PSMA1: variants seen among roughly 807,000 people sequenced by gnomAD.
PSMA1 encodes proteasome subunit alpha type-1.
A neutral mutation model predicts 38.4 loss-of-function variants in PSMA1; 3 were observed. The ratio of observed to expected loss-of-function variants is 0.08; its 90% CI spans 0.04 to 0.20. PSMA1 has a LOEUF of 0.20. PSMA1 is among the 10% of genes least tolerant of loss of function. PSMA1 has a pLI of 1.00. For synonymous variants in PSMA1, 101 were observed against 107.1 expected, an observed-to-expected ratio of 0.94 and a Z score of 0.35; for missense variants, 227 against 325.3, an observed-to-expected ratio of 0.70 and a Z score of 2.32.
intron 2 of PSMA1, among the ~76,000 whole-genome samples, chr11:14,591,389 T>G (rs1380639317): frequency 2.6e-5 from 4 of 152,244 alleles, no homozygotes; most frequent in African/African-American, 2.4e-5. Context: ...CCCCGATGAG[T>G]GCCGCCCCCT....
intron 2 of PSMA1, among the ~76,000 whole-genome samples, chr11:14,567,294 T>G (rs1241665578): frequency 6.6e-6 from 1 of 152,180 alleles, no homozygotes; most frequent in Non-Finnish European, 1.5e-5. Flanking sequence ...TTTTAGCTAG[T>G]GTGAGTAGTT....
intron 2 of PSMA1, among the ~76,000 whole-genome samples, chr11:14,572,892 C>A (rs188614227): frequency 7.5e-4 from 114 of 152,240 alleles, no homozygotes; most frequent in Middle Eastern, 6.8e-3. Context: ...AACACCTCTA[C>A]GCAAATAAAC....
chr11:14,546,863 G>C (rs1483415537), intron 2 of PSMA1, among the ~76,000 whole-genome samples: 1 of 152,182 alleles, frequency 6.6e-6, no homozygotes, highest in Non-Finnish European at 1.5e-5. Context: ...GAGTAACCTA[G>C]CTCAAACCAC....
At chr11:14,546,250 T>G (rs1851826364) in intron 2 of PSMA1, among the ~76,000 whole-genome samples, 1 of 151,944 alleles carries the variant, frequency 6.6e-6, no homozygotes, top group African/African-American at 2.4e-5. Context: ...GCAAGAGGGT[T>G]GCTTATGTAG....
intron 2 of PSMA1, among the ~76,000 whole-genome samples, chr11:14,587,281 C>T (rs1314930152): frequency 2.0e-5 from 3 of 152,170 alleles, no homozygotes. Context: ...GGCCATTTCT[C>T]ACTCTGTTCC....
At chr11:14,575,888 T>C (rs1320544206) in intron 2 of PSMA1, among the ~76,000 whole-genome samples, 4 of 152,242 alleles carry the variant, frequency 2.6e-5, no homozygotes, top group Non-Finnish European at 5.9e-5. Context: ...AATGTAAAAG[T>C]GCTCCTATTT....
intron 2 of PSMA1, among the ~76,000 whole-genome samples, chr11:14,556,461 T>A (rs1480282428): frequency 6.6e-6 from 1 of 152,162 alleles, no homozygotes; most frequent in East Asian, 1.9e-4. Context: ...TTTTTTAATG[T>A]TTCATGATGA....
At chr11:14,633,626 C>G (rs931970414) in intron 1 of PSMA1, among the ~76,000 whole-genome samples, 4 of 152,214 alleles carry the variant, frequency 2.6e-5, no homozygotes, top group African/African-American at 9.6e-5. Context: ...GTGGAGCCTA[C>G]AAAGGCAGGC....
intron 2 of PSMA1, among the ~76,000 whole-genome samples, chr11:14,549,655 C>T (rs191821029): frequency 7.4e-4 from 110 of 148,874 alleles, no homozygotes; most frequent in African/African-American, 2.4e-3. Context: ...GAGCCGAGAT[C>T]GTGCCACTGC....
intron 2 of PSMA1, among the ~76,000 whole-genome samples, chr11:14,578,063 G>T (rs565220195): frequency 1.3e-5 from 2 of 151,754 alleles, no homozygotes; most frequent in African/African-American, 4.8e-5. Context: ...ATCACACACC[G>T]GGGCCTGTTG....
intron 1 of PSMA1, among the ~76,000 whole-genome samples, chr11:14,625,314 G>T (rs1852897508): frequency 6.6e-6 from 1 of 152,160 alleles, no homozygotes; most frequent in Admixed American, 6.5e-5. Context: ...TGGGTTTGGT[G>T]GTGTGTGCTT....
intron 1 of PSMA1, among the ~76,000 whole-genome samples, chr11:14,643,118 G>T (rs1305120046): frequency 6.6e-6 from 1 of 150,930 alleles, no homozygotes; most frequent in Non-Finnish European, 1.5e-5. Flanking sequence ...CACGTGGAGT[G>T]CTACTAGAGT....
chr11:14,642,205 G>A (rs1752960152), intron 1 of PSMA1, among the ~76,000 whole-genome samples: 1 of 152,100 alleles, frequency 6.6e-6, no homozygotes, highest in Admixed American at 6.5e-5. Context: ...CAATAATGCT[G>A]GTGCTAGTTT....
At chr11:14,633,382 T>C (rs1853060164) in intron 1 of PSMA1, among the ~76,000 whole-genome samples, 1 of 152,006 alleles carries the variant, frequency 6.6e-6, no homozygotes, top group South Asian at 2.1e-4. Context: ...TGCAGGTCTG[T>C]TGGAGTACCC....
At chr11:14,514,313 T>C (rs1589978861) in intron 5 of PSMA1, 90 bp downstream of exon 5, 2 of 1,436,560 alleles carry the variant, frequency 1.4e-6, no homozygotes, top group Non-Finnish European at 1.8e-6. Context: ...ATCTTACCTA[T>C]GTCATATTAT....
chr11:14,543,586 AAAT>A (rs1283878220), intron 2 of PSMA1, among the ~76,000 whole-genome samples: 9 of 152,074 alleles, frequency 5.9e-5, no homozygotes, highest in Non-Finnish European at 1.3e-4. Context: ...AGAGAAAGTC[AAAT>A]AATATAATAA....
chr11:14,627,737 T>C (rs1012476196), intron 1 of PSMA1, among the ~76,000 whole-genome samples: 1 of 152,246 alleles, frequency 6.6e-6, no homozygotes, highest in Non-Finnish European at 1.5e-5. Context: ...AATATTTTTA[T>C]TGTTATCATT....
intron 2 of PSMA1, among the ~76,000 whole-genome samples, chr11:14,571,333 G>T (rs972676575): frequency 6.6e-6 from 1 of 152,196 alleles, no homozygotes; most frequent in Non-Finnish European, 1.5e-5. Flanking sequence ...AAAGTGCTGG[G>T]ATTACAGGCA....
intron 2 of PSMA1, among the ~76,000 whole-genome samples, chr11:14,609,547 A>G (rs938803322): frequency 3.3e-5 from 5 of 152,220 alleles, no homozygotes; most frequent in African/African-American, 1.2e-4. Flanking sequence ...TTAGAATTTT[A>G]GCTAGGAGAG....
Sources: allele counts gnomAD v4.1 joint callset (sites outside exome capture counted in the v4.1 genomes callset), GRCh38; gene constraint gnomAD v4.1.1; transcripts MANE v1.5; gene names NCBI Gene and HGNC (gene_info 2026-07-23, HGNC 2026-07-21).